ADAMTS12: variants seen among roughly 807,000 people sequenced by gnomAD.
ADAMTS12 encodes the protein A disintegrin and metalloproteinase with thrombospondin motifs 12.
In ADAMTS12, 118 loss-of-function variants were observed where a neutral mutation model predicts 167.8. The ratio of observed to expected loss-of-function variants is 0.70; its 90% CI spans 0.61 to 0.82. ADAMTS12 has a LOEUF of 0.82. Ranked by LOEUF, ADAMTS12 falls within the 40% of genes least tolerant of loss-of-function variation. The probability of loss-of-function intolerance (pLI) is 0.00; values close to 1 mark genes in which losing one functional copy is unlikely to be tolerated. For synonymous variants in ADAMTS12, 704 were observed against 716.9 expected, an observed-to-expected ratio of 0.98 and a Z score of 0.29; for missense variants, 1,916 against 1,998.8, an observed-to-expected ratio of 0.96 and a Z score of 0.79.
chr5:33,731,705 C>T (rs927387507), intron 3 of ADAMTS12, among the ~76,000 whole-genome samples: 1 of 152,166 alleles, frequency 6.6e-6, no homozygotes, highest in Non-Finnish European at 1.5e-5. Flanking sequence ...AAAGGCAGCA[C>T]TCAGGAACAC....
At chr5:33,678,456 G>C (rs1003569371) in intron 5 of ADAMTS12, among the ~76,000 whole-genome samples, 9 of 152,156 alleles carry the variant, frequency 5.9e-5, no homozygotes, top group African/African-American at 2.2e-4. Context: ...AACATGCTGT[G>C]GAGAAGAAAT....
chr5:33,643,909 AG>A (rs1740566773), intron 9 of ADAMTS12, among the ~76,000 whole-genome samples: 1 of 152,256 alleles, frequency 6.6e-6, no homozygotes, highest in Non-Finnish European at 1.5e-5. Context: ...TCTTCCATCT[AG>A]AAAGCCTCAG....
chr5:33,818,266 T>C (rs13169685), intron 2 of ADAMTS12, among the ~76,000 whole-genome samples: 146,741 of 152,128 alleles, frequency 0.96, 71,010 homozygotes, highest in East Asian at 1. Context: ...TACAGGTCCA[T>C]ATTTCCTCTC....
At chr5:33,600,818 A>G (rs539720887) in intron 16 of ADAMTS12, among the ~76,000 whole-genome samples, 116 of 152,314 alleles carry the variant, frequency 7.6e-4, no homozygotes, top group Middle Eastern at 3.4e-3. Context: ...CTGTGACTCA[A>G]TAAAGAGCTT....
intron 2 of ADAMTS12, among the ~76,000 whole-genome samples, chr5:33,809,503 T>C (rs1175070158): frequency 6.6e-6 from 1 of 152,232 alleles, no homozygotes; most frequent in Non-Finnish European, 1.5e-5. Context: ...TGTTGTGTTC[T>C]AATTGTGTTG....
At chr5:33,811,465 C>T (rs576498545) in intron 2 of ADAMTS12, among the ~76,000 whole-genome samples, 8 of 152,130 alleles carry the variant, frequency 5.3e-5, no homozygotes, top group African/African-American at 1.2e-4. Flanking sequence ...AAGGGGTGAT[C>T]GTCATGCCAA....
intron 19 of ADAMTS12, among the ~76,000 whole-genome samples, chr5:33,561,985 A>G (rs1745770608): frequency 6.6e-6 from 1 of 152,172 alleles, no homozygotes; most frequent in South Asian, 2.1e-4. Context: ...TATGGTGTAG[A>G]TGAAGAAACA....
chr5:33,747,906 A>T (rs568818608), intron 3 of ADAMTS12, among the ~76,000 whole-genome samples: 1 of 152,358 alleles, frequency 6.6e-6, no homozygotes, highest in East Asian at 1.9e-4. Context: ...TATTCTATTT[A>T]CAATTCTACC....
chr5:33,597,379 C>T (rs1373001999), intron 16 of ADAMTS12, among the ~76,000 whole-genome samples: 1 of 152,232 alleles, frequency 6.6e-6, no homozygotes, highest in Non-Finnish European at 1.5e-5. Flanking sequence ...ACCCTGAGCT[C>T]TCAGGATGTC....
At chr5:33,694,574 G>C (rs1742683182) in intron 3 of ADAMTS12, among the ~76,000 whole-genome samples, 1 of 152,150 alleles carries the variant, frequency 6.6e-6, no homozygotes, top group Admixed American at 6.5e-5. Context: ...AGGAACTACT[G>C]ACACATAAAG....
chr5:33,723,620 C>A (rs1743877848), intron 3 of ADAMTS12, among the ~76,000 whole-genome samples: 1 of 152,200 alleles, frequency 6.6e-6, no homozygotes, highest in African/African-American at 2.4e-5. Context: ...CTTCTCTGCT[C>A]TCATTTCCTC....
chr5:33,714,456 T>A (rs1743525361), intron 3 of ADAMTS12, among the ~76,000 whole-genome samples: 2 of 152,008 alleles, frequency 1.3e-5, no homozygotes, highest in African/African-American at 2.4e-5. Context: ...TATCTTTTTA[T>A]CCAAAGGAAA....
intron 19 of ADAMTS12, among the ~76,000 whole-genome samples, chr5:33,565,309 C>G (rs1221159862): frequency 2.0e-5 from 3 of 152,122 alleles, no homozygotes; most frequent in Non-Finnish European, 4.4e-5. Context: ...GCATGCGCCA[C>G]CACGTCTAAT....
chr5:33,796,699 GT>G lies in ADAMTS12; in HGVS notation c.490-45152del, dbSNP rs566833382. 1.8e-3 allele frequency among the ~76,000 whole-genome samples: 273 copies of G among 152,252 alleles called. 1 individual carries two copies. The highest frequency in any genetic ancestry group is 6.2e-3 in the African/African-American group (258 of 41,530). ...CCTCAGAGTTTCTTCCCTTTCCTAA[GT>G]TTATCTTGAAAGTATATATGTGCTG... On this transcript the variant is annotated intron_variant, in intron 2 of 23. Transcript: ENST00000504830.
At chr5:33,685,496 T>A (rs1742290718) in intron 3 of ADAMTS12, among the ~76,000 whole-genome samples, 1 of 152,212 alleles carries the variant, frequency 6.6e-6, no homozygotes, top group Non-Finnish European at 1.5e-5. Context: ...CACTGATTTG[T>A]GTGTAACCCT....
At chr5:33,643,512 C>A (rs4866409) in intron 9 of ADAMTS12, 42 bp from the exon 10 acceptor site, 9 of 1,572,326 alleles carry the variant, frequency 5.7e-6, no homozygotes, top group Non-Finnish European at 7.9e-6. Context: ...TCAAAACCTG[C>A]CACAAAGCAT....
chr5:33,602,702 G>C (rs867849129), intron 16 of ADAMTS12, among the ~76,000 whole-genome samples: 1 of 152,160 alleles, frequency 6.6e-6, no homozygotes, highest in African/African-American at 2.4e-5. Flanking sequence ...TATGAATCTC[G>C]TGCTTTACCA....
chr5:33,558,220 G>A (rs989994301), intron 20 of ADAMTS12, among the ~76,000 whole-genome samples: 1 of 152,060 alleles, frequency 6.6e-6, no homozygotes, highest in African/African-American at 2.4e-5. Context: ...AAAAAGGTTA[G>A]GGACTGCTGA....
At chr5:33,563,751 C>T (rs1320013744) in intron 19 of ADAMTS12, among the ~76,000 whole-genome samples, 3 of 152,228 alleles carry the variant, frequency 2.0e-5, no homozygotes, top group African/African-American at 7.2e-5. Flanking sequence ...ATGCACACTG[C>T]ATAGCACTGA....
Sources: gnomAD v4.1 joint callset for allele counts (sites outside exome capture counted in the v4.1 genomes callset) on GRCh38, gnomAD v4.1.1 for gene constraint, MANE v1.5 for transcripts, NCBI Gene and HGNC (gene_info 2026-07-23, HGNC 2026-07-21) for gene names.